The following WDPCP variants were observed in gnomAD, a reference collection of about 807,000 sequenced individuals.
The protein encoded by WDPCP is WD repeat-containing and planar cell polarity effector protein fritz homolog.
Under a neutral mutation model 93.1 loss-of-function variants are expected in WDPCP, and 71 were observed. The observed-to-expected ratio is 0.76, with a 90% CI of 0.63 to 0.93. WDPCP has a LOEUF of 0.93. Among genes scored for constraint, WDPCP ranks in the 40% least tolerant of loss-of-function variants. WDPCP has a pLI of 0.00. For synonymous variants in WDPCP, 315 were observed against 315.0 expected (o/e 1.00, Z 0.00); for missense variants, 844 against 887.4 (o/e 0.95, Z 0.62).
intron 2 of WDPCP, among the ~76,000 whole-genome samples, chr2:63,697,442 GA>G: frequency 6.6e-6 from 1 of 152,166 alleles, no homozygotes; most frequent in African/African-American, 2.4e-5. Context: ...ATAATTATAG[GA>G]AAAAGCAGGC....
chr2:63,341,935 G>C (rs1271277103), intron 12 of WDPCP, among the ~76,000 whole-genome samples: 1 of 152,114 alleles, frequency 6.6e-6, no homozygotes, highest in Admixed American at 6.6e-5. Context: ...TGGATATAAA[G>C]TGAGTCACTT....
At chr2:63,795,228 G>A (rs1300311316) in intron 2 of WDPCP, among the ~76,000 whole-genome samples, 2 of 152,204 alleles carry the variant, frequency 1.3e-5, no homozygotes, top group Non-Finnish European at 1.5e-5. Flanking sequence ...GGAGTTGGAT[G>A]AGTGGAACAA....
At chr2:63,797,428 G>A (rs1490734990) in intron 2 of WDPCP, among the ~76,000 whole-genome samples, 1 of 151,990 alleles carries the variant, frequency 6.6e-6, no homozygotes, top group African/African-American at 2.4e-5. Flanking sequence ...GGCATTTCTG[G>A]ACATACCCCA....
chr2:63,683,543 A>G (rs2103640865), intron 2 of WDPCP, among the ~76,000 whole-genome samples: 2 of 152,282 alleles, frequency 1.3e-5, no homozygotes, highest in South Asian at 4.1e-4. Flanking sequence ...AGTAGATTTC[A>G]AGACAAAAGC....
intron 13 of WDPCP, among the ~76,000 whole-genome samples, chr2:63,266,679 G>A (rs113657976): frequency 0.02 from 3,026 of 152,078 alleles, 50 homozygotes; most frequent in East Asian, 0.034. Context: ...GGTGGCAGGC[G>A]CCTGTAATCC....
intron 2 of WDPCP, among the ~76,000 whole-genome samples, chr2:63,718,895 T>A (rs910772886): frequency 2.6e-5 from 4 of 152,166 alleles, no homozygotes; most frequent in Non-Finnish European, 4.4e-5. Flanking sequence ...TAATATTTTT[T>A]AAAAAACAAT....
chr2:63,730,593 A>G (rs1024348085), intron 2 of WDPCP, among the ~76,000 whole-genome samples: 2 of 152,154 alleles, frequency 1.3e-5, no homozygotes, highest in South Asian at 4.1e-4. Flanking sequence ...CCTCCCGAGT[A>G]GCTGGGATTA....
chr2:63,512,235 G>C (rs1702280573), intron 1 of WDPCP, among the ~76,000 whole-genome samples: 1 of 152,106 alleles, frequency 6.6e-6, no homozygotes, highest in South Asian at 2.1e-4. Context: ...AAAAAGTCAG[G>C]AAACAACAGA....
chr2:63,597,725 CT>C, intron 3 of WDPCP: 1 of 603,428 alleles, frequency 1.7e-6, no homozygotes, highest in East Asian at 3.5e-5. Flanking sequence ...TTGATAAGCT[CT>C]CCCTTTCTGG....
intron 3 of WDPCP, chr2:63,605,235 A>G: frequency 1.5e-6 from 2 of 1,291,824 alleles, no homozygotes; most frequent in South Asian, 1.2e-5. Context: ...AAACTTTGCT[A>G]TCATGACCAA....
chr2:63,695,160 C>A (rs187602647), intron 2 of WDPCP, among the ~76,000 whole-genome samples: 2 of 152,188 alleles, frequency 1.3e-5, no homozygotes, highest in African/African-American at 4.8e-5. Context: ...AACCAAGGAA[C>A]AACAGAAGAG....
chr2:63,484,747 A>G (rs1386064985), intron 5 of WDPCP, 84 bp from the exon 6 acceptor site: 1 of 1,571,224 alleles, frequency 6.4e-7, no homozygotes, highest in Non-Finnish European at 8.7e-7. Flanking sequence ...TTGCAAGCAA[A>G]AAAAGATCAA....
chr2:63,780,804 G>T (rs1482886459), intron 2 of WDPCP, among the ~76,000 whole-genome samples: 1 of 152,140 alleles, frequency 6.6e-6, no homozygotes, highest in African/African-American at 2.4e-5. Context: ...ACTAACTTCA[G>T]GCAGAATGGA....
rs912602575 is a variant in WDPCP, at chr2:63,555,278, G to A, written c.75+32919C>T. ...CCTGACCCATCCCTCCTCACTAGCT[G>A]GGGGGACCTCCCTGAGGGAATTTCA... is the stretch of plus-strand genomic sequence containing the variant. On this transcript the variant is annotated intron_variant, in intron 1 of 17. Transcript: ENST00000272321. Among the ~76,000 whole-genome samples, 8 of 152,338 alleles carry A rather than the reference G, an allele frequency of 5.3e-5. 1 individual carries two copies. In the South Asian group the frequency reaches 8.3e-4, roughly 16 times the overall value.
chr2:63,433,363 A>G (rs1353688509), intron 9 of WDPCP, among the ~76,000 whole-genome samples: 1 of 152,236 alleles, frequency 6.6e-6, no homozygotes, highest in Non-Finnish European at 1.5e-5. Context: ...GATAATAACA[A>G]GAGTCATAAC....
At chr2:63,810,803 T>C (rs1174519514) in intron 2 of WDPCP, among the ~76,000 whole-genome samples, 1 of 152,262 alleles carries the variant, frequency 6.6e-6, no homozygotes, top group Non-Finnish European at 1.5e-5. Flanking sequence ...AAAGCTTTTC[T>C]ATTTTAATCC....
chr2:63,728,751 T>A (rs1011579660), intron 2 of WDPCP, among the ~76,000 whole-genome samples: 12 of 152,238 alleles, frequency 7.9e-5, no homozygotes, highest in African/African-American at 2.9e-4. Flanking sequence ...TCCATTCCCA[T>A]GCCATCATGG....
chr2:63,622,384 G>A, intron 3 of WDPCP: 1 of 1,611,178 alleles, frequency 6.2e-7, no homozygotes, highest in Non-Finnish European at 8.5e-7. Flanking sequence ...CTTTTGAACT[G>A]GGCAAGACCA....
intron 14 of WDPCP, among the ~76,000 whole-genome samples, chr2:63,242,577 G>A (rs1436484640): frequency 1.3e-5 from 2 of 152,138 alleles, no homozygotes; most frequent in Non-Finnish European, 2.9e-5. Context: ...AGCTATGATG[G>A]CGCCACTGCA....
Sources: allele counts gnomAD v4.1 joint callset (sites outside exome capture counted in the v4.1 genomes callset), GRCh38; gene constraint gnomAD v4.1.1; transcripts MANE v1.5; gene names NCBI Gene and HGNC (gene_info 2026-07-23, HGNC 2026-07-21).